Variants in CNTN6 observed in about 807,000 individuals in gnomAD.
The protein encoded by CNTN6 is contactin-6.
CNTN6 carries 137 observed loss-of-function variants against 122.8 expected under a neutral mutation model. The ratio of observed to expected loss-of-function variants is 1.12; its 90% CI spans 0.97 to 1.29. The LOEUF (loss-of-function observed/expected upper bound fraction) is 1.29. Among genes scored for constraint, CNTN6 ranks in the 50% most tolerant of loss-of-function variants. The probability of loss-of-function intolerance (pLI) is 0.00; values close to 1 mark genes in which losing one functional copy is unlikely to be tolerated. For missense variants in CNTN6, 1,634 were observed against 1,223.4 expected (o/e 1.34, Z -5.01); for synonymous variants, 570 against 426.0 (o/e 1.34, Z -4.16).
intron 5 of CNTN6, among the ~76,000 whole-genome samples, chr3:1,293,321 A>G (rs1397004218): frequency 7.5e-6 from 1 of 133,812 alleles, no homozygotes; most frequent in Non-Finnish European, 1.6e-5. Context: ...TGCTTCATGC[A>G]TTTTTTTTTT....
In CNTN6 at chr3:1,099,382, C is replaced by T. The variant is rs1296106823; in HGVS notation, c.-83+6262C>T. 9.9e-5 allele frequency among the ~76,000 whole-genome samples: 15 copies of T among 152,060 alleles called. No individual in the cohort carries two copies. The East Asian group carries it at 2.5e-3, about 26-fold the overall frequency. On this transcript the variant is annotated intron_variant, in intron 1 of 22. Coordinates refer to ENST00000446702, the MANE Select transcript of CNTN6 (RefSeq NM_001289080.2). ...GGGAGAATGGCGGGAACCCGGGGGG[C>T]GGAGCTTGCAGTGAGCCGAGATTGA... is the stretch of plus-strand genomic sequence containing the variant.
At chr3:1,369,115 G>A (rs1194294186) in intron 12 of CNTN6, among the ~76,000 whole-genome samples, 1 of 152,138 alleles carries the variant, frequency 6.6e-6, no homozygotes, top group Non-Finnish European at 1.5e-5. Context: ...GCTCTTGCCT[G>A]CGCAGGAAAT....
At chr3:1,299,961 A>G (rs1696910159) in intron 7 of CNTN6, among the ~76,000 whole-genome samples, 1 of 152,022 alleles carries the variant, frequency 6.6e-6, no homozygotes, top group African/African-American at 2.4e-5. Context: ...TTATTCTAAA[A>G]CCAAAATCCA....
At chr3:1,312,749 G>T (rs916955138) in intron 7 of CNTN6, among the ~76,000 whole-genome samples, 7 of 151,834 alleles carry the variant, frequency 4.6e-5, no homozygotes, top group Non-Finnish European at 8.8e-5. Flanking sequence ...ATTCATGCAG[G>T]GGGAGCAAAG....
intron 2 of CNTN6, among the ~76,000 whole-genome samples, chr3:1,218,470 A>G (rs2094159137): frequency 6.6e-6 from 1 of 152,156 alleles, no homozygotes. Flanking sequence ...AATCTGAGTG[A>G]GGTGAGGAGG....
At position 1,295,731 on chromosome 3, in the gene CNTN6, T is replaced by C. The variant is rs1696112517; in HGVS notation, c.585T>C (p.Thr195=). 4 of 1,614,104 alleles carry C rather than the reference T, an allele frequency of 2.5e-6. No individual in the cohort carries two copies. The highest frequency in any genetic ancestry group is 3.4e-6 in the Non-Finnish European group (4 of 1,179,942). The change falls in exon 6 of 23, where the codon ACT becomes ACC. Residue 195 remains threonine, a synonymous_variant. Coordinates refer to ENST00000446702, the MANE Select transcript of CNTN6 (RefSeq NM_001289080.2). ...AACCATCAGATGTGGGCAACTACACTTGCTTTATAACTAACAAAGAGGCCC... is the reference window on the plus strand; with the variant it reads ...AACCATCAGATGTGGGCAACTACACCTGCTTTATAACTAACAAAGAGGCCC... ...KVEPSDVGNY[T]CFITNKEAQR...
chr3:1,390,084 C>T (rs951520657), intron 20 of CNTN6, among the ~76,000 whole-genome samples: 2 of 151,944 alleles, frequency 1.3e-5, no homozygotes, highest in Non-Finnish European at 2.9e-5. Flanking sequence ...CAGAACTCTC[C>T]ACCACAAATC....
At chr3:1,160,370 A>C (rs962259931) in intron 2 of CNTN6, among the ~76,000 whole-genome samples, 15 of 131,626 alleles carry the variant, frequency 1.1e-4, no homozygotes, top group Non-Finnish European at 6.7e-5. Flanking sequence ...ATATATATAC[A>C]CACTACCTAT....
rs565025973 is a variant in CNTN6, at chr3:1,337,543, T to G, written c.1364+7608T>G. ...TCCTAATGGAACAAGCAAATAAACTTAATTTTATTTTGTATCTCCAACTAC... is the reference window on the plus strand; with the variant it reads ...TCCTAATGGAACAAGCAAATAAACTGAATTTTATTTTGTATCTCCAACTAC... On this transcript the variant is annotated intron_variant, in intron 11 of 22. Transcript: ENST00000446702. Among the ~76,000 whole-genome samples the G allele has an allele frequency of 2.0e-5, 3 of 152,246 alleles. No homozygotes were observed. In the South Asian group the frequency reaches 6.2e-4, roughly 32 times the overall value.
chr3:1,101,309 A>T (rs139997174), intron 1 of CNTN6, among the ~76,000 whole-genome samples: 235 of 152,282 alleles, frequency 1.5e-3, no homozygotes, highest in African/African-American at 5.4e-3. Context: ...TCTCCTTGCC[A>T]GTCTGAGTTT....
chr3:1,229,721 G>A (rs540872145), intron 4 of CNTN6, among the ~76,000 whole-genome samples: 14 of 152,214 alleles, frequency 9.2e-5, no homozygotes, highest in African/African-American at 2.9e-4. Context: ...CAATTAAGAA[G>A]AAATTATATG....
chr3:1,154,769 C>T (rs763222798), intron 2 of CNTN6, among the ~76,000 whole-genome samples: 1 of 152,112 alleles, frequency 6.6e-6, no homozygotes, highest in African/African-American at 2.4e-5. Context: ...TTTCTTCCCC[C>T]GATTTAAACA....
At chr3:1,131,053 C>T (rs545165219) in intron 1 of CNTN6, among the ~76,000 whole-genome samples, 24 of 152,092 alleles carry the variant, frequency 1.6e-4, no homozygotes, top group Non-Finnish European at 3.4e-4. Flanking sequence ...AAATAACAGG[C>T]AGACCCTGGA....
chr3:1,348,724 T>C (rs1383648485), intron 11 of CNTN6, among the ~76,000 whole-genome samples: 1 of 151,988 alleles, frequency 6.6e-6, no homozygotes, highest in Non-Finnish European at 1.5e-5. Context: ...TGAAGAAAGA[T>C]ATGGTTAGAA....
intron 11 of CNTN6, 59 bp from the exon 12 acceptor site, chr3:1,352,265 C>T (rs1466802127): frequency 2.2e-6 from 3 of 1,384,022 alleles, no homozygotes; most frequent in African/African-American, 1.5e-5. Flanking sequence ...AAAATAAGCA[C>T]TTATGATTTA....
At chr3:1,174,367 T>C (rs2093411813) in intron 2 of CNTN6, among the ~76,000 whole-genome samples, 1 of 152,130 alleles carries the variant, frequency 6.6e-6, no homozygotes, top group South Asian at 2.1e-4. Context: ...ACGTTAAGAG[T>C]TATTTTGTTA....
intron 2 of CNTN6, among the ~76,000 whole-genome samples, chr3:1,159,834 CCCT>C (rs1247171762): frequency 6.6e-6 from 1 of 151,402 alleles, no homozygotes; most frequent in Admixed American, 6.6e-5. Context: ...CTTTTTCCCC[CCCT>C]CAAGACAAAG....
At chr3:1,374,699 G>T (rs1466928219) in intron 16 of CNTN6, among the ~76,000 whole-genome samples, 2 of 151,998 alleles carry the variant, frequency 1.3e-5, no homozygotes, top group African/African-American at 4.8e-5. Context: ...CATTTAATCT[G>T]CTAGCTGTAT....
intron 5 of CNTN6, among the ~76,000 whole-genome samples, chr3:1,288,374 C>T (rs1175372468): frequency 1.3e-5 from 2 of 152,184 alleles, no homozygotes; most frequent in Non-Finnish European, 2.9e-5. Flanking sequence ...TAAACTTCCT[C>T]AGCCTAATAT....
Sources: gnomAD v4.1 joint callset for allele counts (sites outside exome capture counted in the v4.1 genomes callset) on GRCh38, gnomAD v4.1.1 for gene constraint, MANE v1.5 for transcripts, NCBI Gene and HGNC (gene_info 2026-07-23, HGNC 2026-07-21) for gene names.